The following ERBB4 variants were observed in gnomAD, a reference collection of about 807,000 sequenced individuals.
ERBB4 encodes the protein receptor tyrosine-protein kinase erbB-4.
A neutral mutation model predicts 158.0 loss-of-function variants in ERBB4; 42 were observed. That is an observed-to-expected ratio of 0.27 (90% CI 0.21 to 0.34). The LOEUF is 0.34. Among genes scored for constraint, ERBB4 ranks in the 10% least tolerant of loss-of-function variants. The probability of loss-of-function intolerance (pLI) is 1.00; values close to 1 mark genes in which losing one functional copy is unlikely to be tolerated. For synonymous variants in ERBB4, 583 were observed against 558.7 expected (o/e 1.04, Z -0.61); for missense variants, 1,333 against 1,624.1 (o/e 0.82, Z 3.08).
At chr2:212,192,024 A>ATAT (rs1490068464) in intron 1 of ERBB4, among the ~76,000 whole-genome samples, 1 of 39,286 alleles carries the variant, frequency 2.5e-5, no homozygotes. Context: ...GTTATATGTT[A>ATAT]TATATGTTAT....
At chr2:212,347,508 C>T (rs747789535) in intron 1 of ERBB4, among the ~76,000 whole-genome samples, 1 of 152,094 alleles carries the variant, frequency 6.6e-6, no homozygotes, top group Non-Finnish European at 1.5e-5. Flanking sequence ...AATTGTTACA[C>T]TTCCTTATAC....
intron 16 of ERBB4, among the ~76,000 whole-genome samples, chr2:211,645,138 G>A (rs1476363247): frequency 6.6e-6 from 1 of 151,632 alleles, no homozygotes; most frequent in African/African-American, 2.4e-5. Context: ...AAAAACAAAC[G>A]ACTCTAGAGA....
At chr2:212,186,710 C>A (rs1442634508) in intron 1 of ERBB4, among the ~76,000 whole-genome samples, 1 of 151,890 alleles carries the variant, frequency 6.6e-6, no homozygotes, top group Non-Finnish European at 1.5e-5. Flanking sequence ...AATGAGCCAA[C>A]CAAATTTATA....
intron 3 of ERBB4, among the ~76,000 whole-genome samples, chr2:211,907,227 T>C (rs1559634719): frequency 6.6e-6 from 1 of 151,728 alleles, no homozygotes; most frequent in Non-Finnish European, 1.5e-5. Flanking sequence ...AATGAGTCTG[T>C]GTTTAAGGGA....
intron 3 of ERBB4, among the ~76,000 whole-genome samples, chr2:211,884,045 C>G (rs2078732096): frequency 1.3e-5 from 2 of 152,122 alleles, no homozygotes; most frequent in African/African-American, 2.4e-5. Flanking sequence ...AACCTAAGTT[C>G]TGGCTTCTGA....
At chr2:211,492,180 C>T (rs868354046) in intron 20 of ERBB4, among the ~76,000 whole-genome samples, 1 of 152,042 alleles carries the variant, frequency 6.6e-6, no homozygotes, top group Non-Finnish European at 1.5e-5. Flanking sequence ...GAGCCTGGAA[C>T]AAAAGTAGTT....
Position 211,376,700 on chromosome 2 carries a change from T to C in ERBB4, c.*6915A>G, listed in dbSNP as rs1266940291. The C allele has an allele frequency of 4.3e-6, 1 of 233,128 alleles. No individual in the cohort carries two copies. The highest frequency in any genetic ancestry group is 5.6e-5 in the Admixed American group (1 of 17,774). The allele number at this position is 233,128 out of a possible 1,614,324, so 14.4% of individuals were successfully genotyped here. ...AAATTACTTTGATGCATGTATAAGATGAATGTTTGAGAGTAGATTTAAGAT... is the reference window on the plus strand; with the variant it reads ...AAATTACTTTGATGCATGTATAAGACGAATGTTTGAGAGTAGATTTAAGAT... On this transcript the variant is annotated 3_prime_UTR_variant, in exon 28 of 28. Coordinates refer to ENST00000342788, the MANE Select transcript of ERBB4 (RefSeq NM_005235.3).
At chr2:212,511,685 G>A (rs950168536) in intron 1 of ERBB4, among the ~76,000 whole-genome samples, 2 of 152,016 alleles carry the variant, frequency 1.3e-5, no homozygotes, top group Admixed American at 1.3e-4. Context: ...GAATATATTT[G>A]AATGAATCTG....
At chr2:212,461,362 C>T (rs2086612) in intron 1 of ERBB4, among the ~76,000 whole-genome samples, 1 of 152,100 alleles carries the variant, frequency 6.6e-6, no homozygotes, top group Non-Finnish European at 1.5e-5. Context: ...TTGCATCCCA[C>T]TGTGACTTGG....
chr2:212,500,051 C>T (rs370980686), intron 1 of ERBB4, among the ~76,000 whole-genome samples: 1 of 151,882 alleles, frequency 6.6e-6, no homozygotes. Context: ...TCCCTTTCCC[C>T]GGAATTTATT....
At chr2:212,015,188 C>T (rs1202015774) in intron 2 of ERBB4, among the ~76,000 whole-genome samples, 2 of 147,212 alleles carry the variant, frequency 1.4e-5, no homozygotes, top group African/African-American at 5.0e-5. Context: ...ATGGGGTGAA[C>T]CCAGCAGACA....
intron 19 of ERBB4, among the ~76,000 whole-genome samples, chr2:211,563,823 C>CAT (rs1373085549): frequency 2.0e-5 from 3 of 152,062 alleles, no homozygotes; most frequent in African/African-American, 4.8e-5. Context: ...TGTGTCTATA[C>CAT]ATATATATAC....
chr2:212,323,963 T>A (rs1213302109), intron 1 of ERBB4, among the ~76,000 whole-genome samples: 1 of 150,556 alleles, frequency 6.6e-6, no homozygotes, highest in African/African-American at 2.4e-5. Context: ...CACGCCTTAG[T>A]TTGCTCTGCC....
chr2:211,446,574 G>A (rs2064117633), intron 20 of ERBB4, among the ~76,000 whole-genome samples: 1 of 152,052 alleles, frequency 6.6e-6, no homozygotes, highest in Non-Finnish European at 1.5e-5. Context: ...CTTCTTCAAA[G>A]ACTTTCTTAC....
intron 3 of ERBB4, among the ~76,000 whole-genome samples, chr2:211,811,467 T>G (rs2076755396): frequency 6.6e-6 from 1 of 152,074 alleles, no homozygotes; most frequent in Non-Finnish European, 1.5e-5. Context: ...CATTTCAACC[T>G]TGGTGAATCT....
intron 8 of ERBB4, among the ~76,000 whole-genome samples, chr2:211,713,258 C>G (rs967501380): frequency 6.6e-6 from 1 of 152,080 alleles, no homozygotes; most frequent in Non-Finnish European, 1.5e-5. Flanking sequence ...TTAAGATTTG[C>G]TATTGACAGA....
At chr2:211,529,291 C>T (rs145421448) in intron 20 of ERBB4, among the ~76,000 whole-genome samples, 5,358 of 151,718 alleles carry the variant, frequency 0.035, 302 homozygotes, top group African/African-American at 0.12. Context: ...TACAACCTAC[C>T]GAGATTGAAC....
intron 1 of ERBB4, among the ~76,000 whole-genome samples, chr2:212,175,816 G>A (rs1160754571): frequency 6.6e-6 from 1 of 151,700 alleles, no homozygotes; most frequent in Admixed American, 6.6e-5. Context: ...GCAGTTCCAG[G>A]GTACTTAGAG....
intron 16 of ERBB4, among the ~76,000 whole-genome samples, chr2:211,645,285 A>ACAGAGAGG (rs2070745992): frequency 6.6e-6 from 1 of 151,804 alleles, no homozygotes; most frequent in Non-Finnish European, 1.5e-5. Context: ...AGAGAGAAAG[A>ACAGAGAGG]CAGAGAGGGA....
Sources: allele counts gnomAD v4.1 joint callset (sites outside exome capture counted in the v4.1 genomes callset), GRCh38; gene constraint gnomAD v4.1.1; transcripts MANE v1.5; gene names NCBI Gene and HGNC (gene_info 2026-07-23, HGNC 2026-07-21).